Variants in SMAP1 observed in about 807,000 individuals in gnomAD.
SMAP1 encodes the protein small ArfGAP 1, also known as stromal membrane-associated protein 1.
In SMAP1, 24 loss-of-function variants were observed where a neutral mutation model predicts 58.5. That is an observed-to-expected ratio of 0.41 (90% CI 0.30 to 0.58). The LOEUF (loss-of-function observed/expected upper bound fraction) is 0.58. Among genes scored for constraint, SMAP1 ranks in the 20% least tolerant of loss-of-function variants. SMAP1 has a pLI of 0.29. For missense variants in SMAP1, 563 were observed against 566.3 expected (o/e 0.99, Z 0.06); for synonymous variants, 216 against 196.6 (o/e 1.10, Z -0.82).
At chr6:70,749,230 T>C (rs1472436563) in intron 2 of SMAP1, among the ~76,000 whole-genome samples, 1 of 152,092 alleles carries the variant, frequency 6.6e-6, no homozygotes, top group South Asian at 2.1e-4. Context: ...TCAGATCTCA[T>C]GAGAACTCCC....
intron 1 of SMAP1, among the ~76,000 whole-genome samples, chr6:70,682,170 ATTTTTT>A (rs66981900): frequency 3.1e-5 from 3 of 95,918 alleles, no homozygotes; most frequent in African/African-American, 8.5e-5. Flanking sequence ...CTCTGCACAG[ATTTTTT>A]TTTTTTTTTT....
intron 6 of SMAP1, among the ~76,000 whole-genome samples, chr6:70,826,934 CAAAAAAAAAA>C (rs61069311): frequency 2.0e-4 from 15 of 76,610 alleles, no homozygotes; most frequent in East Asian, 5.9e-4. Context: ...AACCGTGTCT[CAAAAAAAAAA>C]AAAAAAAAAA....
At chr6:70,682,174 T>A (rs1184073552) in intron 1 of SMAP1, among the ~76,000 whole-genome samples, 2 of 15,130 alleles carry the variant, frequency 1.3e-4, no homozygotes, top group Non-Finnish European at 2.2e-4. Context: ...GCACAGATTT[T>A]TTTTTTTTTT....
At chr6:70,814,280 A>G (rs1199653791) in intron 6 of SMAP1, among the ~76,000 whole-genome samples, 1 of 152,176 alleles carries the variant, frequency 6.6e-6, no homozygotes, top group Non-Finnish European at 1.5e-5. Context: ...TTTGATAGCA[A>G]TGATAATTGA....
At chr6:70,783,890 C>G (rs1767881162) in intron 4 of SMAP1, among the ~76,000 whole-genome samples, 2 of 152,182 alleles carry the variant, frequency 1.3e-5, no homozygotes, top group South Asian at 2.1e-4. Flanking sequence ...AGGATATTAT[C>G]CAGGAGAACT....
intron 3 of SMAP1, among the ~76,000 whole-genome samples, chr6:70,769,190 A>G (rs1208435273): frequency 6.6e-6 from 1 of 152,124 alleles, no homozygotes; most frequent in Non-Finnish European, 1.5e-5. Flanking sequence ...CAATTTGGGA[A>G]TAGGTGTGGT....
chr6:70,852,476 T>C, intron 7 of SMAP1, 64 bp from the exon 8 acceptor site: 1 of 1,355,264 alleles, frequency 7.4e-7, no homozygotes, highest in Non-Finnish European at 9.6e-7. Flanking sequence ...ATTTTTAAAA[T>C]AATGCCATGT....
intron 6 of SMAP1, among the ~76,000 whole-genome samples, chr6:70,835,343 A>C (rs1452425709): frequency 1.3e-5 from 2 of 152,174 alleles, no homozygotes; most frequent in East Asian, 1.9e-4. Flanking sequence ...AGTGATTAAA[A>C]AACAAATAAG....
intron 6 of SMAP1, among the ~76,000 whole-genome samples, chr6:70,814,210 A>G (rs1009807696): frequency 6.6e-6 from 1 of 152,126 alleles, no homozygotes; most frequent in Non-Finnish European, 1.5e-5. Flanking sequence ...GCCTGGACCC[A>G]TTACTGACCC....
intron 7 of SMAP1, among the ~76,000 whole-genome samples, 193 bp downstream of exon 7, chr6:70,837,221 T>G (rs1424214337): frequency 6.6e-6 from 1 of 152,198 alleles, no homozygotes; most frequent in Non-Finnish European, 1.5e-5. Flanking sequence ...CTGTCAGCAC[T>G]GTTTTCACTG....
Position 70,860,451 on chromosome 6 carries a change from T to TAA in SMAP1, c.*118_*119dup. The TAA allele has an allele frequency of 1.6e-6, 2 of 1,236,170 alleles. No individual in the cohort carries two copies. Among genetic ancestry groups the TAA allele is most frequent in the Admixed American group, 5.8e-5 (2 of 34,620 alleles). The allele number at this position is 1,236,170 out of a possible 1,614,324, so 76.6% of individuals were successfully genotyped here. On this transcript the variant is annotated 3_prime_UTR_variant, in exon 11 of 11. Transcript: ENST00000370455. ...TTTCTTTTTACCCATTTGTTCATAT[T>TAA]AAGAATGATCTGATTGACCGTGTTG...
chr6:70,807,240 T>G (rs1304337103), intron 6 of SMAP1, among the ~76,000 whole-genome samples: 1 of 152,216 alleles, frequency 6.6e-6, no homozygotes, highest in Middle Eastern at 3.2e-3. Flanking sequence ...TCATTGAGGT[T>G]TACATTTTTG....
Position 70,861,681 on chromosome 6 carries a change from T to A in SMAP1, c.*1347T>A. On this transcript the variant is annotated 3_prime_UTR_variant, in exon 11 of 11. Coordinates refer to ENST00000370455, the MANE Select transcript of SMAP1 (RefSeq NM_001044305.3). ...CTTCAATTTATACCTCAATTTTCAC[T>A]GTGTCCAGGTGGTACTTTGGCTCGT... 1 of 1,613,730 alleles carries A rather than the reference T, an allele frequency of 6.2e-7. No homozygotes were observed. The highest frequency in any genetic ancestry group is 2.2e-5 in the East Asian group (1 of 44,866).
At chr6:70,770,031 T>C (rs1455924679) in intron 3 of SMAP1, among the ~76,000 whole-genome samples, 1 of 151,686 alleles carries the variant, frequency 6.6e-6, no homozygotes, top group Non-Finnish European at 1.5e-5. Context: ...TGGCTGGATA[T>C]GAAATTCTGG....
At chr6:70,713,412 T>A (rs532377998) in intron 1 of SMAP1, among the ~76,000 whole-genome samples, 2 of 152,298 alleles carry the variant, frequency 1.3e-5, no homozygotes, top group South Asian at 4.1e-4. Context: ...AATTTCCTCT[T>A]ATTACTGCTT....
intron 1 of SMAP1, among the ~76,000 whole-genome samples, chr6:70,710,070 C>T (rs1767990194): frequency 1.3e-5 from 2 of 152,038 alleles, no homozygotes; most frequent in South Asian, 4.2e-4. Context: ...CATGGTATAG[C>T]CTATTGCTCC....
chr6:70,824,602 CATA>C (rs1370020604), intron 6 of SMAP1, among the ~76,000 whole-genome samples: 2 of 151,990 alleles, frequency 1.3e-5, no homozygotes, highest in Non-Finnish European at 1.5e-5. Flanking sequence ...TAATTGCAAA[CATA>C]AGAGCATTTA....
At chr6:70,812,008 C>T (rs775733418) in intron 6 of SMAP1, among the ~76,000 whole-genome samples, 9 of 152,144 alleles carry the variant, frequency 5.9e-5, no homozygotes, top group Non-Finnish European at 1.0e-4. Flanking sequence ...TGATTCACAT[C>T]GCTGGGACAA....
intron 1 of SMAP1, among the ~76,000 whole-genome samples, chr6:70,705,706 A>G (rs1209609491): frequency 6.6e-6 from 1 of 152,200 alleles, no homozygotes; most frequent in East Asian, 1.9e-4. Context: ...CTTGTCAGTA[A>G]AAGGGAGGGG....
Sources: gnomAD v4.1 joint callset for allele counts (sites outside exome capture counted in the v4.1 genomes callset) on GRCh38, gnomAD v4.1.1 for gene constraint, MANE v1.5 for transcripts, NCBI Gene and HGNC (gene_info 2026-07-23, HGNC 2026-07-21) for gene names.